Variants in SLC39A11 observed in about 807,000 individuals in gnomAD.
SLC39A11 encodes zinc transporter ZIP11.
In SLC39A11, 33 loss-of-function variants were observed where a neutral mutation model predicts 36.1. That is an observed-to-expected ratio of 0.91 (90% CI 0.69 to 1.22). The LOEUF is 1.22. Ranked by LOEUF, SLC39A11 falls within the 50% of genes most tolerant of loss-of-function variation. SLC39A11 has a pLI of 0.00. For synonymous variants in SLC39A11, 166 were observed against 170.3 expected (o/e 0.97, Z 0.20); for missense variants, 432 against 430.3 (o/e 1.00, Z -0.03).
chr17:72,691,209 TG>T (rs2072011809), intron 7 of SLC39A11, among the ~76,000 whole-genome samples: 2 of 152,178 alleles, frequency 1.3e-5, no homozygotes, highest in Admixed American at 1.3e-4. Flanking sequence ...TCCTCACAGA[TG>T]ACCATGTGCA....
At chr17:72,936,755 A>G (rs1454063665) in intron 5 of SLC39A11, among the ~76,000 whole-genome samples, 1 of 116,410 alleles carries the variant, frequency 8.6e-6, no homozygotes, top group Admixed American at 9.6e-5. Flanking sequence ...GGTGGGGGGT[A>G]GGGGGTGGTT....
chr17:72,836,088 C>T (rs1311115012), intron 6 of SLC39A11, among the ~76,000 whole-genome samples: 2 of 152,188 alleles, frequency 1.3e-5, no homozygotes, highest in African/African-American at 4.8e-5. Flanking sequence ...CCCAGGTTTC[C>T]CTGCCCAAGT....
rs534959221 is a variant in SLC39A11 at position 72,740,123 on chromosome 17, C to T, written c.602-3404G>A. Among the ~76,000 whole-genome samples, 15 of 124,312 alleles carry T rather than the reference C, an allele frequency of 1.2e-4. No homozygotes were observed. The South Asian group carries it at 1.8e-3, about 15-fold the overall frequency. 81.6% of individuals were successfully genotyped at this position (124,312 alleles called of 152,430 possible). On this transcript the variant is annotated intron_variant, in intron 6 of 9. Coordinates refer to ENST00000255559, the MANE Select transcript of SLC39A11 (RefSeq NM_139177.4). Reference sequence around the variant, plus strand: ...TGTCGCCCAGGCTGGAGTGCAGTGGCGCCATTTCGGCTCACTGCAAGCTCC... The same window carrying T: ...TGTCGCCCAGGCTGGAGTGCAGTGGTGCCATTTCGGCTCACTGCAAGCTCC...
rs188284877 is a variant in SLC39A11, at chr17:73,043,027, T to C, written c.148-11313A>G. Among the ~76,000 whole-genome samples, 4 of 145,716 alleles carry C rather than the reference T, an allele frequency of 2.7e-5. No individual in the cohort carries two copies. In the East Asian group the frequency reaches 8.3e-4, roughly 30 times the overall value. On this transcript the variant is annotated intron_variant, in intron 3 of 9. Transcript: ENST00000255559. ...CTGGGCGCTGCCTCCAGGAGCTGGC[T>C]CTGGACTATAATAAGAGAGGCTACA...
chr17:73,046,718 G>A (rs970620768), intron 3 of SLC39A11, among the ~76,000 whole-genome samples: 2 of 152,066 alleles, frequency 1.3e-5, no homozygotes, highest in Non-Finnish European at 2.9e-5. Flanking sequence ...GAAGTGGGCA[G>A]ATCCCTTGAG....
intron 5 of SLC39A11, among the ~76,000 whole-genome samples, chr17:72,907,930 G>C (rs1020299874): frequency 4.6e-5 from 7 of 152,198 alleles, no homozygotes; most frequent in Non-Finnish European, 8.8e-5. Flanking sequence ...GACGTGGGAA[G>C]GGGTAGAGTG....
chr17:72,789,088 G>A (rs906870339), intron 6 of SLC39A11, among the ~76,000 whole-genome samples: 1 of 150,122 alleles, frequency 6.7e-6, no homozygotes, highest in Non-Finnish European at 1.5e-5. Context: ...AGATTGGAAT[G>A]CAGTGGCGCA....
At chr17:73,014,277 T>A (rs529835496) in intron 4 of SLC39A11, among the ~76,000 whole-genome samples, 11 of 152,274 alleles carry the variant, frequency 7.2e-5, no homozygotes, top group Admixed American at 6.5e-5. Context: ...AGGAATATGT[T>A]GCTGGGAACA....
At chr17:72,896,717 C>G (rs2082046849) in intron 5 of SLC39A11, among the ~76,000 whole-genome samples, 3 of 151,744 alleles carry the variant, frequency 2.0e-5, no homozygotes, top group Non-Finnish European at 4.4e-5. Context: ...TTGCCTGTAC[C>G]AGGGAGTGAG....
At chr17:72,735,147 C>T (rs764820181) in intron 7 of SLC39A11, among the ~76,000 whole-genome samples, 17 of 152,144 alleles carry the variant, frequency 1.1e-4, no homozygotes, top group Non-Finnish European at 2.2e-4. Flanking sequence ...GAGGCAGGAA[C>T]ATGAAGTTGA....
chr17:72,647,729 G>T (rs1165141198), intron 9 of SLC39A11, 67 bp from the exon 10 acceptor site: 2 of 1,231,052 alleles, frequency 1.6e-6, no homozygotes, highest in Non-Finnish European at 2.4e-6. Context: ...TAGGCTGAAG[G>T]CATCCTCTGC....
At chr17:72,786,876 A>G (rs1369664292) in intron 6 of SLC39A11, among the ~76,000 whole-genome samples, 3 of 152,124 alleles carry the variant, frequency 2.0e-5, no homozygotes, top group Non-Finnish European at 4.4e-5. Context: ...CTGAAGTGCA[A>G]TGGCGCAATC....
chr17:72,989,745 C>T (rs992778650), intron 4 of SLC39A11, among the ~76,000 whole-genome samples: 5 of 152,188 alleles, frequency 3.3e-5, no homozygotes, highest in Admixed American at 1.3e-4. Flanking sequence ...GATAAACTCT[C>T]ATCTTGAAAA....
intron 4 of SLC39A11, among the ~76,000 whole-genome samples, chr17:73,013,432 G>A (rs1253675613): frequency 6.6e-6 from 1 of 152,210 alleles, no homozygotes; most frequent in Non-Finnish European, 1.5e-5. Flanking sequence ...GTGATACTTG[G>A]TTTTCTATTT....
intron 6 of SLC39A11, among the ~76,000 whole-genome samples, chr17:72,799,571 T>TG (rs1568112388): frequency 6.6e-6 from 1 of 152,042 alleles, no homozygotes; most frequent in African/African-American, 2.4e-5. Context: ...AATGCATTCC[T>TG]GGGGGGAGAT....
chr17:73,037,129 T>C (rs1285059637), intron 3 of SLC39A11, among the ~76,000 whole-genome samples: 2 of 152,350 alleles, frequency 1.3e-5, no homozygotes, highest in East Asian at 1.9e-4. Flanking sequence ...TGTTCACCTA[T>C]TGAAGGACTT....
At chr17:72,701,364 G>C (rs1397736806) in intron 7 of SLC39A11, among the ~76,000 whole-genome samples, 1 of 152,158 alleles carries the variant, frequency 6.6e-6, no homozygotes, top group African/African-American at 2.4e-5. Flanking sequence ...TCCTTGTGTG[G>C]CGATGCTAAG....
At chr17:72,802,085 G>A (rs2713983) in intron 6 of SLC39A11, among the ~76,000 whole-genome samples, 11,291 of 152,176 alleles carry the variant, frequency 0.074, 650 homozygotes, top group African/African-American at 0.16. Flanking sequence ...CTGATTAAGG[G>A]GATTAAGGGA....
At chr17:73,088,862 G>A in intron 1 of SLC39A11, 87 bp from the exon 2 acceptor site, 1 of 962,474 alleles carries the variant, frequency 1.0e-6, no homozygotes, top group Non-Finnish European at 1.6e-6. Flanking sequence ...ACCCTGTGTG[G>A]GAGCTGGCCT....
Sources: gnomAD v4.1 joint callset for allele counts (sites outside exome capture counted in the v4.1 genomes callset) on GRCh38, gnomAD v4.1.1 for gene constraint, MANE v1.5 for transcripts, NCBI Gene and HGNC (gene_info 2026-07-23, HGNC 2026-07-21) for gene names.